The following ARK2N variants were observed in gnomAD, a reference collection of about 807,000 sequenced individuals.
ARK2N encodes arkadia (RNF111) N-terminal like PKA signaling regulator 2N.
chr18:46,264,708 GTTCTTC>G, the ARK2N span: 1 of 147,226 alleles, frequency 6.8e-6, no homozygotes, highest in South Asian at 2.2e-4. Flanking sequence ...TGCCCAGCCT[GTTCTTC>G]TTCTTCTTCT....
the ARK2N span, chr18:46,253,722 A>C: frequency 6.2e-7 from 1 of 1,603,436 alleles, no homozygotes; most frequent in South Asian, 1.1e-5. Context: ...GATTCCTAGC[A>C]AGTGACAAAA....
At chr18:46,215,775 G>T in the ARK2N span, 4 of 1,103,650 alleles carry the variant, frequency 3.6e-6, no homozygotes, top group South Asian at 1.6e-5. Context: ...AAATAATCTG[G>T]CATTCTGTTT....
the ARK2N span, among the ~76,000 whole-genome samples, chr18:46,224,503 A>C: frequency 6.6e-6 from 1 of 152,262 alleles, no homozygotes; most frequent in African/African-American, 2.4e-5. Flanking sequence ...AAAATACTCA[A>C]GAATGTAGTG....
At chr18:46,201,070 C>T in the ARK2N span, among the ~76,000 whole-genome samples, 1 of 151,336 alleles carries the variant, frequency 6.6e-6, no homozygotes, top group Admixed American at 6.6e-5. Flanking sequence ...TCCTCAACCT[C>T]CTGGTTCAAG....
the ARK2N span, among the ~76,000 whole-genome samples, chr18:46,219,903 T>A: frequency 4.6e-5 from 7 of 152,366 alleles, no homozygotes; most frequent in African/African-American, 1.7e-4. Context: ...CTATAAAATC[T>A]GTAGTTGGAG....
chr18:46,253,881 A>G, the ARK2N span: 55 of 1,505,954 alleles, frequency 3.7e-5, no homozygotes, highest in Non-Finnish European at 4.8e-5. Context: ...TTTTAACCAG[A>G]AAACAAGTTA....
At chr18:46,262,313 C>T in the ARK2N span, among the ~76,000 whole-genome samples, 11 of 152,188 alleles carry the variant, frequency 7.2e-5, no homozygotes, top group Non-Finnish European at 1.2e-4. Flanking sequence ...ACTGAAGATT[C>T]AGCTGTGTTA....
chr18:46,255,349 C>A, the ARK2N span, among the ~76,000 whole-genome samples: 1 of 151,992 alleles, frequency 6.6e-6, no homozygotes, highest in South Asian at 2.1e-4. Flanking sequence ...TGTATTTATA[C>A]CTTCTGTATT....
the ARK2N span, among the ~76,000 whole-genome samples, chr18:46,255,850 A>G: frequency 6.6e-6 from 1 of 151,690 alleles, no homozygotes; most frequent in South Asian, 2.1e-4. Flanking sequence ...CCTTAATTAC[A>G]AATTTTTTCC....
At chr18:46,213,243 A>C in the ARK2N span, among the ~76,000 whole-genome samples, 3 of 151,816 alleles carry the variant, frequency 2.0e-5, no homozygotes, top group Non-Finnish European at 4.4e-5. Flanking sequence ...CTCGTGATCC[A>C]CCTGCCTCGG....
the ARK2N span, among the ~76,000 whole-genome samples, chr18:46,255,157 A>G: frequency 6.6e-6 from 1 of 152,232 alleles, no homozygotes; most frequent in African/African-American, 2.4e-5. Flanking sequence ...ATACAGATAC[A>G]TGTACGTTAA....
At chr18:46,248,291 G>T in the ARK2N span, among the ~76,000 whole-genome samples, 1 of 152,186 alleles carries the variant, frequency 6.6e-6, no homozygotes, top group African/African-American at 2.4e-5. Flanking sequence ...ACGTCAGTCA[G>T]GTTTCCACAA....
At chr18:46,193,598 T>G in the ARK2N span, among the ~76,000 whole-genome samples, 1 of 138,024 alleles carries the variant, frequency 7.2e-6, no homozygotes, top group African/African-American at 2.8e-5. Context: ...CGGGTTTTTT[T>G]TTTTTTTTTT....
chr18:46,219,098 T>C, the ARK2N span: 1 of 152,224 alleles, frequency 6.6e-6, no homozygotes, highest in African/African-American at 2.4e-5. Context: ...TAATTGTAAC[T>C]GTTAATGCAT....
At chr18:46,264,660 C>G in the ARK2N span, 2 of 152,336 alleles carry the variant, frequency 1.3e-5, no homozygotes, top group Non-Finnish European at 1.5e-5. Flanking sequence ...TGACACACAC[C>G]GCACATACAC....
the ARK2N span, among the ~76,000 whole-genome samples, chr18:46,199,417 C>A: frequency 2.0e-5 from 3 of 150,944 alleles, no homozygotes. Context: ...TGGCTTCAAG[C>A]GATTCTTCCT....
chr18:46,201,156 A>T, the ARK2N span, among the ~76,000 whole-genome samples: 1 of 151,336 alleles, frequency 6.6e-6, no homozygotes, highest in African/African-American at 2.4e-5. Flanking sequence ...TTTTCAAAAT[A>T]TTTTTTTGTA....
the ARK2N span, among the ~76,000 whole-genome samples, chr18:46,256,499 C>G: frequency 1.8e-4 from 27 of 152,112 alleles, no homozygotes; most frequent in South Asian, 8.3e-4. Context: ...TCTCAGTTCT[C>G]CCCACCCCTA....
At chr18:46,250,491 TACACACAC>T in the ARK2N span, among the ~76,000 whole-genome samples, 7 of 129,760 alleles carry the variant, frequency 5.4e-5, no homozygotes, top group African/African-American at 2.0e-4. Context: ...CCTCCATTCG[TACACACAC>T]ACACACACAC....
Sources: gnomAD v4.1 joint callset for allele counts (sites outside exome capture counted in the v4.1 genomes callset) on GRCh38, gnomAD v4.1.1 for gene constraint, MANE v1.5 for transcripts, NCBI Gene and HGNC (gene_info 2026-07-23, HGNC 2026-07-21) for gene names.